PTPRT: variants seen among roughly 807,000 people sequenced by gnomAD.
The protein encoded by PTPRT is protein tyrosine phosphatase receptor type T, also known as receptor-type tyrosine-protein phosphatase T.
PTPRT carries 56 observed loss-of-function variants against 176.8 expected under a neutral mutation model. The observed-to-expected ratio is 0.32, with a 90% CI of 0.26 to 0.40. The LOEUF (loss-of-function observed/expected upper bound fraction) is 0.40. PTPRT is among the 10% of genes least tolerant of loss of function. The pLI is 1.00. For synonymous variants in PTPRT, 783 were observed against 739.0 expected, an observed-to-expected ratio of 1.06 and a Z score of -0.96; for missense variants, 1,540 against 1,908.2, an observed-to-expected ratio of 0.81 and a Z score of 3.60.
chr20:42,885,940 C>A lies in PTPRT; in HGVS notation c.89-8G>T. On this transcript the variant is annotated splice_region_variant and splice_polypyrimidine_tract_variant and intron_variant, in intron 1 of 30. Coordinates refer to ENST00000373187, the MANE Select transcript of PTPRT (RefSeq NM_007050.6). ...CATCAAAGGAACAGCCACCTGTAGACAAAAGAGATATGGGTAAATACATTC... is the reference window on the plus strand; with the variant it reads ...CATCAAAGGAACAGCCACCTGTAGAAAAAAGAGATATGGGTAAATACATTC... The A allele has an allele frequency of 6.3e-7, 1 of 1,599,592 alleles. No individual in the cohort carries two copies. The highest frequency in any genetic ancestry group is 1.1e-5 in the South Asian group (1 of 90,550).
At chr20:42,262,063 G>A (rs181883522) in intron 13 of PTPRT, among the ~76,000 whole-genome samples, 6 of 152,288 alleles carry the variant, frequency 3.9e-5, no homozygotes, top group East Asian at 3.9e-4. Context: ...CAACTAACCC[G>A]TGCAACGGTA....
intron 1 of PTPRT, among the ~76,000 whole-genome samples, chr20:43,064,852 C>G (rs961178012): frequency 1.3e-5 from 2 of 152,164 alleles, no homozygotes; most frequent in Non-Finnish European, 2.9e-5. Context: ...TCCAACAGGC[C>G]GATAAATCCC....
chr20:42,756,549 C>T lies in PTPRT; in HGVS notation c.772G>A (p.Ala258Thr). 6.2e-7 allele frequency: 1 copy of T among 1,613,194 alleles called. No homozygotes were observed. The highest frequency in any genetic ancestry group is 8.5e-7 in the Non-Finnish European group (1 of 1,179,348). The change falls in exon 6 of 31, where the codon GCC becomes ACC. Residue 258 changes from alanine to threonine, a missense_variant. Ala to Thr is a moderately conservative substitution (Grantham distance 58). This residue lies in a region of PTPRT where 273 missense variants were observed against 432.1 expected (regional missense o/e 0.63). Coordinates refer to ENST00000373187, the MANE Select transcript of PTPRT (RefSeq NM_007050.6). ...FSATVSVADT[A>T]QRSVSKYRCV... ...CGGTACTTGCTGACGCTCCGCTGGG[C>T]AGTGTCTGCCACACTGACTGTGGCT...
intron 7 of PTPRT, among the ~76,000 whole-genome samples, chr20:42,558,393 C>T (rs1394026057): frequency 6.6e-6 from 1 of 152,052 alleles, no homozygotes; most frequent in African/African-American, 2.4e-5. Flanking sequence ...AGGTTGATTC[C>T]ATGTTTTTGC....
chr20:42,097,107 T>C (rs1985338864), intron 27 of PTPRT, among the ~76,000 whole-genome samples: 1 of 152,164 alleles, frequency 6.6e-6, no homozygotes, highest in East Asian at 1.9e-4. Flanking sequence ...CATCCCTATT[T>C]CATACATTGG....
chr20:42,437,413 G>A (rs911915123), intron 9 of PTPRT, among the ~76,000 whole-genome samples: 1 of 152,172 alleles, frequency 6.6e-6, no homozygotes, highest in Non-Finnish European at 1.5e-5. Context: ...CTAACCAAAG[G>A]TCAATCTTAA....
At chr20:42,363,298 A>ATTTT (rs1297903278) in intron 9 of PTPRT, among the ~76,000 whole-genome samples, 11 of 22,280 alleles carry the variant, frequency 4.9e-4, no homozygotes, top group East Asian at 2.1e-3. Flanking sequence ...ATATATATAT[A>ATTTT]TATTTTTTTT....
chr20:43,042,879 T>C (rs2146215930), intron 1 of PTPRT, among the ~76,000 whole-genome samples: 1 of 152,292 alleles, frequency 6.6e-6, no homozygotes, highest in East Asian at 1.9e-4. Context: ...ACTGTGGTTT[T>C]GTGCCACATC....
chr20:42,035,668 G>T, the PTPRT span, among the ~76,000 whole-genome samples: 2 of 152,058 alleles, frequency 1.3e-5, no homozygotes, highest in African/African-American at 4.8e-5. Context: ...ACTTTCCTCT[G>T]GTCAGTAAGT....
At chr20:43,046,530 C>G (rs1600672094) in intron 1 of PTPRT, among the ~76,000 whole-genome samples, 1 of 143,988 alleles carries the variant, frequency 6.9e-6, no homozygotes. Flanking sequence ...GGTAACAGAG[C>G]GAGTCTCTGT....
chr20:42,612,547 G>A (rs2073992865), intron 7 of PTPRT, among the ~76,000 whole-genome samples: 1 of 152,122 alleles, frequency 6.6e-6, no homozygotes, highest in Non-Finnish European at 1.5e-5. Flanking sequence ...TCCCCATGGT[G>A]TAAAAGTAAA....
At chr20:42,990,814 CTA>C (rs2146106496) in intron 1 of PTPRT, among the ~76,000 whole-genome samples, 1 of 152,208 alleles carries the variant, frequency 6.6e-6, no homozygotes, top group East Asian at 1.9e-4. Context: ...TAAATAAGAA[CTA>C]ATTCATTACT....
At chr20:42,401,398 GATA>G (rs1438500430) in intron 9 of PTPRT, among the ~76,000 whole-genome samples, 2 of 151,984 alleles carry the variant, frequency 1.3e-5, no homozygotes, top group Non-Finnish European at 2.9e-5. Context: ...TGTTAATAAT[GATA>G]ATAATAATAT....
chr20:42,315,873 G>A lies in PTPRT; in HGVS notation c.1989C>T (p.Tyr663=). The part of the protein sequence containing the change: ...RNASSLDSLH[Y]FAAELKPANL... The stretch of plus-strand genomic sequence containing the variant: ...TGGCAGGCTTCAACTCAGCAGCAAA[G>A]TAGTGTAGAGAATCGAGGCTGGAGG... Residue 663 remains tyrosine (Y), a synonymous_variant, in exon 12 of 31, where the codon TAC becomes TAT. Transcript: ENST00000373187. 1 of 1,614,188 alleles carries A rather than the reference G, an allele frequency of 6.2e-7. No individual in the cohort carries two copies. The highest frequency in any genetic ancestry group is 8.5e-7 in the Non-Finnish European group (1 of 1,180,034).
chr20:42,038,075 A>T, the PTPRT span, among the ~76,000 whole-genome samples: 1 of 152,194 alleles, frequency 6.6e-6, no homozygotes, highest in Admixed American at 6.5e-5. Flanking sequence ...CTTCTCTCAC[A>T]TCACACAACT....
chr20:42,062,401 G>A, the PTPRT span, among the ~76,000 whole-genome samples: 1 of 152,182 alleles, frequency 6.6e-6, no homozygotes. Context: ...GGGGCATCAG[G>A]AAGAATCAGG....
At position 42,349,942 on chromosome 20, in the gene PTPRT, C is replaced by T. The variant is rs138115003; in HGVS notation, c.1865+686G>A. Among the ~76,000 whole-genome samples, 1,140 of 152,262 alleles carry T rather than the reference C, an allele frequency of 7.5e-3. 3 individuals carry two copies. Among genetic ancestry groups the T allele is most frequent in the Middle Eastern group, 0.037 (11 of 294 alleles). On this transcript the variant is annotated intron_variant, in intron 11 of 30. Coordinates refer to ENST00000373187, the MANE Select transcript of PTPRT (RefSeq NM_007050.6). ...CGTTTGGTAAAATCAGCAGTTTTAC[C>T]TTGACAGCAAGTGCCCCTATGGGAC...
chr20:42,499,451 C>G (rs1306792148), intron 7 of PTPRT, among the ~76,000 whole-genome samples: 2 of 151,982 alleles, frequency 1.3e-5, no homozygotes, highest in East Asian at 3.9e-4. Flanking sequence ...ACCACCACAC[C>G]TGGCTAATTT....
intron 1 of PTPRT, among the ~76,000 whole-genome samples, chr20:42,996,257 T>C (rs1025269844): frequency 6.6e-6 from 1 of 152,142 alleles, no homozygotes. Flanking sequence ...CATGCACAAT[T>C]TTAAGATCCT....
Sources: gnomAD v4.1 joint callset for allele counts (sites outside exome capture counted in the v4.1 genomes callset) on GRCh38, gnomAD v4.1.1 for gene constraint, gnomAD v4.1.1 regional missense constraint, MANE v1.5 for transcripts, NCBI Gene and HGNC (gene_info 2026-07-23, HGNC 2026-07-21) for gene names.